Variants in PVT1 observed in about 807,000 individuals in gnomAD.
PVT1 encodes CXCR4/PVT1 fusion.
intron 2 of PVT1, among the ~76,000 whole-genome samples, chr8:127,836,693 A>C (rs1190338049): frequency 6.6e-6 from 1 of 152,196 alleles, no homozygotes; most frequent in East Asian, 1.9e-4. Flanking sequence ...CTTTAAGTGC[A>C]TTACGTCATT....
chr8:128,071,304 G>C (rs997396054), intron 5 of PVT1, among the ~76,000 whole-genome samples: 1 of 152,186 alleles, frequency 6.6e-6, no homozygotes, highest in Non-Finnish European at 1.5e-5. Flanking sequence ...CTGTCAGAGA[G>C]TATCACTTCT....
At chr8:127,993,510 G>T (rs573215632) in intron 4 of PVT1, among the ~76,000 whole-genome samples, 44 of 152,352 alleles carry the variant, frequency 2.9e-4, no homozygotes, top group Admixed American at 2.6e-3. Flanking sequence ...TCTCCGGGGG[G>T]ATTTATTCTG....
chr8:127,826,892 C>G (rs533054331), intron 2 of PVT1, among the ~76,000 whole-genome samples: 69 of 152,216 alleles, frequency 4.5e-4, no homozygotes, highest in African/African-American at 1.3e-3. Context: ...GAAAGAATCC[C>G]TGGGAGTATG....
chr8:127,855,505 C>T (rs1815151259), intron 2 of PVT1, among the ~76,000 whole-genome samples: 1 of 152,214 alleles, frequency 6.6e-6, no homozygotes, highest in African/African-American at 2.4e-5. Context: ...GACATTTCTG[C>T]TGGCCCTGGC....
chr8:127,875,715 T>C (rs1815397649), intron 2 of PVT1, among the ~76,000 whole-genome samples: 1 of 152,172 alleles, frequency 6.6e-6, no homozygotes, highest in African/African-American at 2.4e-5. Context: ...CAAGGCACCC[T>C]GGGGAGCCTT....
intron 2 of PVT1, among the ~76,000 whole-genome samples, chr8:127,872,045 T>A (rs1815357029): frequency 6.6e-6 from 1 of 151,970 alleles, no homozygotes; most frequent in Non-Finnish European, 1.5e-5. Context: ...TGAGCTGAGA[T>A]CATGCCATTG....
At position 128,071,719 on chromosome 8, in the gene PVT1, T is replaced by TAAAA. The variant is rs1554609399; in HGVS notation, n.1114+1360_1114+1363dup. ...ATAAATAAATAAATAAATAAATAAA[T>TAAAA]AAAAATAAAAGAAATGGAAACCGTA... On this transcript the variant is annotated intron_variant and non_coding_transcript_variant, in intron 5 of 10. Coordinates refer to ENST00000651587, the Ensembl canonical transcript of PVT1. Among the ~76,000 whole-genome samples, 9 of 150,528 alleles carry TAAAA rather than the reference T, an allele frequency of 6.0e-5. 1 individual carries two copies. Among genetic ancestry groups the TAAAA allele is most frequent in the Admixed American group, 6.0e-4 (9 of 15,108 alleles).
intron 3 of PVT1, among the ~76,000 whole-genome samples, chr8:127,925,354 C>A (rs940927093): frequency 2.0e-5 from 3 of 151,942 alleles, no homozygotes; most frequent in Non-Finnish European, 4.4e-5. Flanking sequence ...TTGAAAAAAT[C>A]AAAAAAATCT....
intron 3 of PVT1, among the ~76,000 whole-genome samples, chr8:127,926,267 A>G (rs1338466514): frequency 6.6e-6 from 1 of 152,180 alleles, no homozygotes; most frequent in East Asian, 1.9e-4. Context: ...GGGGGCTGTT[A>G]TCATGCCTGA....
chr8:127,981,381 G>A (rs1586465751), intron 3 of PVT1, among the ~76,000 whole-genome samples: 3 of 152,154 alleles, frequency 2.0e-5, no homozygotes, highest in Admixed American at 2.0e-4. Flanking sequence ...TTCCTGGCGC[G>A]TTCACCTCCT....
intron 3 of PVT1, among the ~76,000 whole-genome samples, chr8:127,901,682 A>G (rs1815760550): frequency 6.6e-6 from 1 of 151,836 alleles, no homozygotes; most frequent in Non-Finnish European, 1.5e-5. Context: ...AAAGTGCTGG[A>G]ATTATAGGCA....
At chr8:128,061,928 G>C (rs1707838205) in intron 4 of PVT1, among the ~76,000 whole-genome samples, 2 of 152,360 alleles carry the variant, frequency 1.3e-5, no homozygotes, top group Non-Finnish European at 1.5e-5. Context: ...CATAGAAAGA[G>C]AGGAAAAAGC....
intron 3 of PVT1, among the ~76,000 whole-genome samples, chr8:127,893,574 C>T (rs905383811): frequency 6.6e-6 from 1 of 152,198 alleles, no homozygotes; most frequent in Non-Finnish European, 1.5e-5. Flanking sequence ...AACTGGAGCA[C>T]CCAGAGGGAA....
intron 4 of PVT1, among the ~76,000 whole-genome samples, chr8:128,058,782 C>T (rs1324566343): frequency 1.3e-5 from 2 of 152,130 alleles, no homozygotes; most frequent in Non-Finnish European, 2.9e-5. Context: ...AAAGTGGGGA[C>T]CAGTGTCTCC....
At chr8:128,079,008 T>TC (rs1482824606) in intron 5 of PVT1, among the ~76,000 whole-genome samples, 2 of 150,954 alleles carry the variant, frequency 1.3e-5, no homozygotes, top group African/African-American at 4.8e-5. Context: ...TCTTTTCTTT[T>TC]TTTTTTTTTT....
At chr8:127,959,558 C>T (rs868462537) in intron 3 of PVT1, among the ~76,000 whole-genome samples, 2 of 146,184 alleles carry the variant, frequency 1.4e-5, no homozygotes, top group Non-Finnish European at 3.0e-5. Flanking sequence ...CTACTCCAGC[C>T]TGGCAACAGC....
At position 128,055,102 on chromosome 8, in the gene PVT1, A is replaced by G. The variant is rs971771916; in HGVS notation, n.913-15058A>G. 1.3e-5 allele frequency among the ~76,000 whole-genome samples: 2 copies of G among 152,202 alleles called. 1 individual carries two copies. Among genetic ancestry groups the G allele is most frequent in the South Asian group, 4.1e-4 (2 of 4,826 alleles). On this transcript the variant is annotated intron_variant and non_coding_transcript_variant, in intron 4 of 10. Transcript: ENST00000651587. ...CTGCCCTGTAGAATTTAGACTTAAC[A>G]GTCCTCACAATTGTGTGAGTCAATT...
intron 3 of PVT1, among the ~76,000 whole-genome samples, chr8:127,958,068 C>T (rs1241250503): frequency 1.1e-4 from 16 of 152,204 alleles, no homozygotes; most frequent in Non-Finnish European, 2.9e-5. Context: ...GTGAAGGGAA[C>T]ACGGGCGTGG....
intron 2 of PVT1, among the ~76,000 whole-genome samples, chr8:127,820,065 A>G (rs1563613944): frequency 1.3e-5 from 2 of 152,136 alleles, no homozygotes; most frequent in Admixed American, 6.6e-5. Flanking sequence ...CTTGCCCTGC[A>G]CCCAGTTCAG....
Sources: gnomAD v4.1 joint callset for allele counts (sites outside exome capture counted in the v4.1 genomes callset) on GRCh38, gnomAD v4.1.1 for gene constraint, MANE v1.5 for transcripts, NCBI Gene and HGNC (gene_info 2026-07-23, HGNC 2026-07-21) for gene names.